The following PGR variants were observed in gnomAD, a reference collection of about 807,000 sequenced individuals.
PGR encodes the protein nuclear receptor subfamily 3 group C member 3.
Under a neutral mutation model 76.1 loss-of-function variants are expected in PGR, and 25 were observed. The observed-to-expected ratio is 0.33, with a 90% CI of 0.24 to 0.46. The LOEUF (loss-of-function observed/expected upper bound fraction) is 0.46, where lower values mean the gene tolerates loss of function less well. Among genes scored for constraint, PGR ranks in the 20% least tolerant of loss-of-function variants. PGR has a pLI of 1.00. For synonymous variants in PGR, 579 were observed against 535.0 expected, an observed-to-expected ratio of 1.08 and a Z score of -1.14; for missense variants, 1,172 against 1,225.3, an observed-to-expected ratio of 0.96 and a Z score of 0.65.
At chr11:101,055,765 T>C (rs1860267647) in intron 4 of PGR, among the ~76,000 whole-genome samples, 1 of 152,310 alleles carries the variant, frequency 6.6e-6, no homozygotes, top group African/African-American at 2.4e-5. Context: ...TATCCTACTC[T>C]TAGTTTTTGT....
chr11:101,111,927 C>T (rs1486341110), intron 2 of PGR, among the ~76,000 whole-genome samples: 1 of 152,126 alleles, frequency 6.6e-6, no homozygotes, highest in Non-Finnish European at 1.5e-5. Context: ...ACTGGACCCT[C>T]TCATATTAAA....
chr11:101,072,181 C>G lies in PGR; in HGVS notation c.1907-9429G>C, dbSNP rs544017916. Among the ~76,000 whole-genome samples the G allele has an allele frequency of 4.0e-4, 61 of 151,950 alleles. No individual in the cohort carries two copies. In the South Asian group the frequency reaches 0.013, roughly 32 times the overall value. On this transcript the variant is annotated intron_variant, in intron 3 of 7. Coordinates refer to ENST00000325455, the MANE Select transcript of PGR (RefSeq NM_000926.4). ...GAGTGGAGGCCAATATTCAACATTT[C>G]TAAAGAAAAGAATTTTCAACCCAGA...
intron 6 of PGR, 134 bp from the exon 7 acceptor site, chr11:101,042,236 A>T (rs1487335515): frequency 1.3e-6 from 1 of 777,594 alleles, no homozygotes; most frequent in East Asian, 2.7e-5. Flanking sequence ...TATATAGGAA[A>T]GAGATAGTGT....
intron 6 of PGR, among the ~76,000 whole-genome samples, chr11:101,046,102 AATTTATTTATTTTTATTTATTT>A (rs1375446779): frequency 6.9e-6 from 1 of 145,556 alleles, no homozygotes; most frequent in Non-Finnish European, 1.5e-5. Flanking sequence ...ATTTTAGTGT[AATTTATTTATTTTTATTTATTT>A]ATTTATTTAT....
Position 101,030,044 on chromosome 11 carries a change from T to A in PGR, c.*9072A>T, listed in dbSNP as rs1859301176. Reference sequence around the variant, plus strand: ...CTCAAATGTCTTTCCCACTCAGAAATGAGGAGCAAGGTGTATGACTTTAGA... The same window carrying A: ...CTCAAATGTCTTTCCCACTCAGAAAAGAGGAGCAAGGTGTATGACTTTAGA... On this transcript the variant is annotated 3_prime_UTR_variant, in exon 8 of 8. Coordinates refer to ENST00000325455, the MANE Select transcript of PGR (RefSeq NM_000926.4). 4.6e-6 allele frequency: 1 copy of A among 219,472 alleles called. No individual in the cohort carries two copies. Among genetic ancestry groups the A allele is most frequent in the Non-Finnish European group, 9.1e-6 (1 of 109,404 alleles). 13.6% of individuals were successfully genotyped at this position (219,472 alleles called of 1,614,324 possible). A position where few individuals can be genotyped will look rare whatever the true frequency, so the allele number is the denominator to read the frequency against.
chr11:101,085,232 A>C (rs1861451940), intron 3 of PGR, among the ~76,000 whole-genome samples: 1 of 152,224 alleles, frequency 6.6e-6, no homozygotes, highest in African/African-American at 2.4e-5. Flanking sequence ...AAATCATGCC[A>C]GTCATACTGT....
At chr11:101,049,415 G>C (rs1177178951) in intron 6 of PGR, among the ~76,000 whole-genome samples, 1 of 152,086 alleles carries the variant, frequency 6.6e-6, no homozygotes, top group Admixed American at 6.6e-5. Flanking sequence ...TCTTTACCAA[G>C]TACTATGTAC....
At position 101,051,892 on chromosome 11, in the gene PGR, T is replaced by A. The variant is rs11571234; in HGVS notation, c.2213-324A>T. 9.7e-3 allele frequency among the ~76,000 whole-genome samples: 1,476 copies of A among 152,074 alleles called. 74 individuals carry two copies. The East Asian group carries it at 0.14, about 14-fold the overall frequency. Reference sequence around the variant, plus strand: ...GCCAGGCACTGTATAAAAATGAAGATGAGTAAGAGTCAATCCTAGCCTCAA... The same window carrying A: ...GCCAGGCACTGTATAAAAATGAAGAAGAGTAAGAGTCAATCCTAGCCTCAA... On this transcript the variant is annotated intron_variant, in intron 4 of 7. Transcript: ENST00000325455.
rs755984639 is a variant in PGR at position 101,127,784 on chromosome 11, C to G, written c.1287G>C (p.Ala429=). 2.6e-6 allele frequency: 4 copies of G among 1,563,554 alleles called. No homozygotes were observed. The South Asian group carries it at 3.5e-5, about 14-fold the overall frequency. The change falls in exon 1 of 8, where the codon GCG becomes GCC. Residue 429 remains alanine, a synonymous_variant. Transcript: ENST00000325455. ...LGPPPPLPPR[A]TPSRPGEAAV... is the part of the protein sequence containing the mutation. The stretch of plus-strand genomic sequence containing the variant: ...CCGCTTCCCCGGGTCTGGATGGGGT[C>G]GCTCGCGGCGGCAGCGGGGGCGGTG...
intron 3 of PGR, among the ~76,000 whole-genome samples, chr11:101,069,262 C>T (rs1201382961): frequency 1.3e-5 from 2 of 152,054 alleles, no homozygotes; most frequent in Non-Finnish European, 2.9e-5. Context: ...TGGAAAAAAG[C>T]TCATCTTCAC....
At chr11:101,082,037 G>A (rs1861327824) in intron 3 of PGR, among the ~76,000 whole-genome samples, 1 of 152,100 alleles carries the variant, frequency 6.6e-6, no homozygotes, top group Admixed American at 6.6e-5. Flanking sequence ...TTGGATCATG[G>A]GGGCACATTT....
chr11:101,090,176 C>T (rs921342223), intron 3 of PGR, among the ~76,000 whole-genome samples: 7 of 151,228 alleles, frequency 4.6e-5, no homozygotes, highest in East Asian at 1.9e-4. Flanking sequence ...CCAGCCTGGG[C>T]GACAGAGTGA....
chr11:101,059,847 A>AG (rs903007856), intron 4 of PGR, among the ~76,000 whole-genome samples: 4 of 133,540 alleles, frequency 3.0e-5, no homozygotes, highest in African/African-American at 7.4e-5. Context: ...TCTCTCAAAA[A>AG]AAAAAAAAAA....
intron 3 of PGR, among the ~76,000 whole-genome samples, chr11:101,077,086 GT>G (rs1236339687): frequency 6.6e-6 from 1 of 150,600 alleles, no homozygotes; most frequent in Non-Finnish European, 1.5e-5. Flanking sequence ...TGCTTTTCCA[GT>G]TTCCTAGTGT....
intron 4 of PGR, among the ~76,000 whole-genome samples, chr11:101,058,993 T>A (rs1294858104): frequency 6.6e-6 from 1 of 152,274 alleles, no homozygotes; most frequent in Middle Eastern, 3.4e-3. Context: ...ATTACTACCC[T>A]ATGGGGAGAC....
At position 101,127,606 on chromosome 11, in the gene PGR, G is replaced by A. The variant is rs976070442; in HGVS notation, c.1465C>T (p.Leu489=). 5 of 1,304,514 alleles carry A rather than the reference G, an allele frequency of 3.8e-6. No individual in the cohort carries two copies. Among genetic ancestry groups the A allele is most frequent in the Non-Finnish European group, 4.8e-6 (5 of 1,035,850 alleles). 80.8% of individuals were successfully genotyped at this position (1,304,514 alleles called of 1,614,324 possible). A position where few individuals can be genotyped will look rare whatever the true frequency, so the allele number is the denominator to read the frequency against. Residue 489 remains leucine (L), a synonymous_variant, in exon 1 of 8, where the codon CTG becomes TTG. Coordinates refer to ENST00000325455, the MANE Select transcript of PGR (RefSeq NM_000926.4). ...GAGGGCAGGCCGTCCCGCGGGAGCA[G>A]GCAGCCGCTCGCGCCCGGCGCCTTG... ...PCKAPGASGC[L]LPRDGLPSTS... is the part of the protein sequence containing the mutation.
At position 101,098,776 on chromosome 11, in the gene PGR, G is replaced by A. The variant is rs116826329; in HGVS notation, c.1790-6900C>T. ...CAGTCCCAATGGAAGAGAGTGGCAG[G>A]GCTGAACTATATGCATAAAAATGTA... is the stretch of plus-strand genomic sequence containing the variant. On this transcript the variant is annotated intron_variant, in intron 2 of 7. Transcript: ENST00000325455. 7.6e-3 allele frequency among the ~76,000 whole-genome samples: 1,154 copies of A among 152,260 alleles called. 8 individuals are homozygous for A. Among genetic ancestry groups the A allele is most frequent in the African/African-American group, 0.015 (635 of 41,558 alleles).
In PGR at chr11:101,114,943, G is replaced by A. The variant is rs144055235; in HGVS notation, c.1789+11064C>T. On this transcript the variant is annotated intron_variant, in intron 2 of 7. Coordinates refer to ENST00000325455, the MANE Select transcript of PGR (RefSeq NM_000926.4). ...CTTCTCACTCTTTACTCAATTAATT[G>A]TAAACACCCCATTGTGCATTCCACA... Among the ~76,000 whole-genome samples, 5 of 152,128 alleles carry A rather than the reference G, an allele frequency of 3.3e-5. No homozygotes were observed. In the East Asian group the frequency reaches 9.7e-4, roughly 29 times the overall value.
rs916183926 is a variant in PGR, at chr11:101,128,296, C to A, written c.775G>T (p.Gly259Trp). 6.3e-7 allele frequency: 1 copy of A among 1,592,714 alleles called. No individual in the cohort carries two copies. The highest frequency in any genetic ancestry group is 8.5e-7 in the Non-Finnish European group (1 of 1,175,672). Residue 259 changes from glycine to tryptophan, a missense_variant, in exon 1 of 8, where the codon GGG becomes TGG. Transcript: ENST00000325455. ...AGGGAAAVPP[G>W]AAAGGVALVP... ...AGGGCGACGCCTCCTGCTGCCGCCC[C>A]CGGCGGGACAGCCGCGGCTCCTCCT...
Sources: allele counts gnomAD v4.1 joint callset (sites outside exome capture counted in the v4.1 genomes callset), GRCh38; gene constraint gnomAD v4.1.1; transcripts MANE v1.5; gene names NCBI Gene and HGNC (gene_info 2026-07-23, HGNC 2026-07-21).